TUBGCP3: variants seen among roughly 807,000 people sequenced by gnomAD.
The protein encoded by TUBGCP3 is gamma-tubulin complex component 3.
In TUBGCP3, 50 loss-of-function variants were observed where a neutral mutation model predicts 123.1. The ratio of observed to expected loss-of-function variants is 0.41; its 90% CI spans 0.32 to 0.51. TUBGCP3 has a LOEUF of 0.51. Among genes scored for constraint, TUBGCP3 ranks in the 20% least tolerant of loss-of-function variants. The pLI, the probability that TUBGCP3 is intolerant of heterozygous loss-of-function variation, is 0.36. For missense variants in TUBGCP3, 882 were observed against 1,127.0 expected, an observed-to-expected ratio of 0.78 and a Z score of 3.11; for synonymous variants, 405 against 413.9, an observed-to-expected ratio of 0.98 and a Z score of 0.26.
rs181834729 is a variant in TUBGCP3 at position 112,508,486 on chromosome 13, C to A, written c.2087-3772G>T. 6.6e-6 allele frequency among the ~76,000 whole-genome samples: 1 copy of A among 152,286 alleles called. No individual in the cohort carries two copies. Among genetic ancestry groups the A allele is most frequent in the Non-Finnish European group, 1.5e-5 (1 of 68,014 alleles). ...CCACGACAGACAGGTCTACAGCCCC[C>A]ACCCCAACCCCATCTTCCTCCTAGC... On this transcript the variant is annotated intron_variant, in intron 17 of 21. Coordinates refer to ENST00000261965, the MANE Select transcript of TUBGCP3 (RefSeq NM_006322.6). This position sits in a 1 kb window ranked among gnomAD's most constrained non-coding sequence, Gnocchi z 4.2.
chr13:112,567,134 G>C (rs1238463987), intron 2 of TUBGCP3, among the ~76,000 whole-genome samples: 1 of 152,170 alleles, frequency 6.6e-6, no homozygotes, highest in Non-Finnish European at 1.5e-5. Context: ...AAGAAGAGTT[G>C]GGGACACCTG....
upstream of TUBGCP3, among the ~76,000 whole-genome samples, chr13:112,592,691 T>C (rs899968573): frequency 6.6e-6 from 1 of 152,076 alleles, no homozygotes; most frequent in Non-Finnish European, 1.5e-5. This position sits in a 1 kb window ranked among gnomAD's most constrained non-coding sequence, Gnocchi z 4.1. Flanking sequence ...TTGGCAGAGG[T>C]ACCTAAGACA....
intron 20 of TUBGCP3, among the ~76,000 whole-genome samples, chr13:112,498,161 A>G (rs1410055623): frequency 6.6e-6 from 1 of 152,174 alleles, no homozygotes; most frequent in Non-Finnish European, 1.5e-5. Context: ...GTATATAAAC[A>G]TACATATAAG....
At chr13:112,563,708 C>A (rs9577808) in intron 3 of TUBGCP3, among the ~76,000 whole-genome samples, 141,500 of 143,994 alleles carry the variant, frequency 0.98, 69,507 homozygotes, top group Middle Eastern at 0.99. Flanking sequence ...CTAAAAATAC[C>A]AAAAAAAAAA....
rs753186626 is a variant in TUBGCP3, at chr13:112,516,594, A to C, written c.1951-19T>G. The C allele has an allele frequency of 1.9e-6, 3 of 1,609,858 alleles. No homozygotes were observed. In the African/African-American group the frequency reaches 4.0e-5, roughly 22 times the overall value. Reference sequence around the variant, plus strand: ...TAAACACCTGGGATAACAGCAGAAGACAAGTTGATAGTATTCCCACGTAAG... The same window carrying C: ...TAAACACCTGGGATAACAGCAGAAGCCAAGTTGATAGTATTCCCACGTAAG... On this transcript the variant is annotated intron_variant, in intron 16 of 21. Transcript: ENST00000261965.
At chr13:112,489,479 G>A (rs1421718702) in intron 21 of TUBGCP3, 102 bp downstream of exon 21, 1 of 838,298 alleles carries the variant, frequency 1.2e-6, no homozygotes, top group Non-Finnish European at 2.1e-6. Flanking sequence ...ATAAGTGTCA[G>A]ACTGACAGGG....
chr13:112,526,615 T>C (rs111205991), intron 13 of TUBGCP3, among the ~76,000 whole-genome samples: 10 of 132,562 alleles, frequency 7.5e-5, no homozygotes, highest in African/African-American at 3.0e-4. Flanking sequence ...ATCATCACCA[T>C]CATCACTACC....
Position 112,569,200 on chromosome 13 carries a change from T to C in TUBGCP3, c.136A>G (p.Thr46Ala), listed in dbSNP as rs1225329430. ...VRVIGSNFAP[T>A]VERDEFLVAE... Reference sequence around the variant, plus strand: ...ACTAAAAATTCATCTCTTTCAACAGTTGGGGCGAAGTTGCTGCCAATCACC... The same window carrying C: ...ACTAAAAATTCATCTCTTTCAACAGCTGGGGCGAAGTTGCTGCCAATCACC... Residue 46 changes from threonine (T) to alanine (A), a missense_variant, in exon 2 of 22, where the codon ACT (threonine) becomes GCT (alanine). Physicochemically the swap from Thr to Ala is moderately conservative, Grantham distance 58 (BLOSUM62 0). Around this residue, in one of 3 missense-constraint regions of TUBGCP3, gnomAD observed 713 missense variants for 874.0 expected, o/e 0.82. Coordinates refer to ENST00000261965, the MANE Select transcript of TUBGCP3 (RefSeq NM_006322.6). 2 of 1,614,156 alleles carry C rather than the reference T, an allele frequency of 1.2e-6. No individual in the cohort carries two copies. Among genetic ancestry groups the C allele is most frequent in the Non-Finnish European group, 1.7e-6 (2 of 1,180,036 alleles).
rs185892884 is a variant in TUBGCP3, at chr13:112,547,768, G to A, written c.1036-16C>T. The A allele has an allele frequency of 1.4e-6, 2 of 1,442,778 alleles. No homozygotes were observed. Among genetic ancestry groups the A allele is most frequent in the Admixed American group, 2.5e-5 (1 of 39,818 alleles). The allele number at this position is 1,442,778 out of a possible 1,614,324, so 89.4% of individuals were successfully genotyped here. On this transcript the variant is annotated splice_polypyrimidine_tract_variant and intron_variant, in intron 9 of 21. Transcript: ENST00000261965. ...CTAGTTGTAGCTAAAAAACAATAAA[G>A]ATAGAAATGTTTAAGTACAAATAAC...
chr13:112,558,189 G>A lies in TUBGCP3; in HGVS notation c.548+7C>T. ...TAGAGAATCTATACACGTCAGTGTGGCCTTACCCTGGGAGGAGAGATTGTG... is the reference window on the plus strand; with the variant it reads ...TAGAGAATCTATACACGTCAGTGTGACCTTACCCTGGGAGGAGAGATTGTG... On this transcript the variant is annotated splice_region_variant and intron_variant, in intron 5 of 21. Transcript: ENST00000261965. 1 of 1,607,838 alleles carries A rather than the reference G, an allele frequency of 6.2e-7. No homozygotes were observed. The highest frequency in any genetic ancestry group is 8.5e-7 in the Non-Finnish European group (1 of 1,177,122).
intron 13 of TUBGCP3, among the ~76,000 whole-genome samples, chr13:112,525,377 C>T (rs923357223): frequency 4.6e-5 from 7 of 152,190 alleles, no homozygotes; most frequent in Admixed American, 6.5e-5. Context: ...GCACATCTCA[C>T]GTCCCTGATC....
rs368145913 is a variant in TUBGCP3 at position 112,547,927 on chromosome 13, T to C, written c.1036-175A>G. ...CCTTTAACCGGTAGAACCCCGAAAA[T>C]TGGCAATTAACTGGCTCTAGGATAC... On this transcript the variant is annotated intron_variant, in intron 9 of 21. Coordinates refer to ENST00000261965, the MANE Select transcript of TUBGCP3 (RefSeq NM_006322.6). 3.3e-5 allele frequency among the ~76,000 whole-genome samples: 5 copies of C among 152,162 alleles called. No individual in the cohort carries two copies. In the South Asian group the frequency reaches 1.0e-3, roughly 32 times the overall value.
At position 112,519,106 on chromosome 13, in the gene TUBGCP3, C is replaced by G; in HGVS notation, c.1882-63G>C. The G allele has an allele frequency of 1.4e-6, 2 of 1,380,114 alleles. No homozygotes were observed. Among genetic ancestry groups the G allele is most frequent in the South Asian group, 2.3e-5 (2 of 85,654 alleles). The allele number at this position is 1,380,114 out of a possible 1,614,324, so 85.5% of individuals were successfully genotyped here. ...AGCTTCTTGCTGAAGAACTTGTTAA[C>G]GCAAAGAAAAAGCAGTAAAATAATG... is the stretch of plus-strand genomic sequence containing the variant. On this transcript the variant is annotated intron_variant, in intron 15 of 21. Transcript: ENST00000261965. This position sits in a 1 kb window ranked among gnomAD's most constrained non-coding sequence, Gnocchi z 6.2.
At chr13:112,516,335 C>A in intron 17 of TUBGCP3, 105 bp downstream of exon 17, 2 of 1,230,266 alleles carry the variant, frequency 1.6e-6, no homozygotes, top group Non-Finnish European at 1.1e-6. Flanking sequence ...ATAGCTGTCA[C>A]CGTGAGTCTA....
intron 11 of TUBGCP3, chr13:112,544,502 C>T (rs1878825917): frequency 6.6e-6 from 1 of 150,936 alleles, no homozygotes; most frequent in Non-Finnish European, 1.5e-5. Flanking sequence ...CCAGCAATCC[C>T]ACCTCCCAGA....
intron 1 of TUBGCP3, among the ~76,000 whole-genome samples, chr13:112,571,123 G>A (rs1319359136): frequency 1.3e-5 from 2 of 152,138 alleles, no homozygotes; most frequent in Non-Finnish European, 2.9e-5. Flanking sequence ...TCCTGTTAAT[G>A]TTGACAATTT....
At position 112,524,960 on chromosome 13, in the gene TUBGCP3, T is replaced by C. The variant is rs1029173175; in HGVS notation, c.1555+1982A>G. ...CGAAATCCCCTGCTGCCCTTCCGACTTGGCCTCACGAGCTCAGAGTTCTAG... is the reference window on the plus strand; with the variant it reads ...CGAAATCCCCTGCTGCCCTTCCGACCTGGCCTCACGAGCTCAGAGTTCTAG... On this transcript the variant is annotated intron_variant, in intron 13 of 21. Coordinates refer to ENST00000261965, the MANE Select transcript of TUBGCP3 (RefSeq NM_006322.6). The surrounding 1 kb of genome is among the most constrained non-coding windows in gnomAD (Gnocchi z 4.4). Among the ~76,000 whole-genome samples the C allele has an allele frequency of 6.6e-6, 1 of 152,166 alleles. No individual in the cohort carries two copies. The highest frequency in any genetic ancestry group is 2.4e-5 in the African/African-American group (1 of 41,456).
intron 17 of TUBGCP3, 36 bp from the exon 18 acceptor site, chr13:112,504,750 A>C: frequency 6.5e-7 from 1 of 1,544,016 alleles, no homozygotes; most frequent in East Asian, 2.2e-5. Context: ...GGTGCAATGC[A>C]AGTACACTTA....
intron 17 of TUBGCP3, among the ~76,000 whole-genome samples, chr13:112,510,792 G>A (rs1881627928): frequency 6.6e-6 from 1 of 152,212 alleles, no homozygotes; most frequent in Non-Finnish European, 1.5e-5. Context: ...AGGCAATGTA[G>A]CTCTAGCACC....
Sources: gnomAD v4.1 joint callset for allele counts (sites outside exome capture counted in the v4.1 genomes callset) on GRCh38, gnomAD v4.1.1 for gene constraint, gnomAD v4.1.1 regional missense constraint, Gnocchi (gnomAD v3.1) non-coding constraint, MANE v1.5 for transcripts, NCBI Gene and HGNC (gene_info 2026-07-23, HGNC 2026-07-21) for gene names.